Variants in TNFSF10 observed in about 807,000 individuals in gnomAD.
The protein encoded by TNFSF10 is tumor necrosis factor ligand superfamily member 10.
TNFSF10 carries 13 observed loss-of-function variants against 29.5 expected under a neutral mutation model. The observed-to-expected ratio is 0.44, with a 90% CI of 0.29 to 0.70. TNFSF10 has a LOEUF of 0.70. TNFSF10 is among the 30% of genes least tolerant of loss of function. The pLI, the probability that TNFSF10 is intolerant of heterozygous loss-of-function variation, is 0.13. For missense variants in TNFSF10, 345 were observed against 330.9 expected (o/e 1.04, Z -0.33); for synonymous variants, 111 against 112.8 (o/e 0.98, Z 0.10).
intron 4 of TNFSF10, 120 bp from the exon 5 acceptor site, chr3:172,507,039 A>G: frequency 1.2e-6 from 1 of 812,246 alleles, no homozygotes; most frequent in Non-Finnish European, 1.9e-6. Flanking sequence ...TTTCAATCTA[A>G]TATCAAACTT....
rs1162560720 is a variant in TNFSF10 at position 172,514,889 on chromosome 3, T to A, written c.242A>T (p.Lys81Met). ...ESMNSPCWQVKWQLRQLVRKM... is the reference protein window; with the variant it reads ...ESMNSPCWQVMWQLRQLVRKM... ...TCTAACGAGCTGACGGAGTTGCCAC[T>A]TGACTTGCCAGCAGGGGCTGTTCAT... The change falls in exon 2 of 5, where the codon AAG (lysine) becomes ATG (methionine). Residue 81 changes from lysine to methionine, a missense_variant. Coordinates refer to ENST00000241261, the MANE Select transcript of TNFSF10 (RefSeq NM_003810.4). 6.2e-7 allele frequency: 1 copy of A among 1,614,102 alleles called. No homozygotes were observed. Among genetic ancestry groups the A allele is most frequent in the African/African-American group, 1.3e-5 (1 of 74,942 alleles).
chr3:172,506,509 C>A lies in TNFSF10; in HGVS notation c.829G>T (p.Ala277Ser). 2.5e-6 allele frequency: 4 copies of A among 1,604,222 alleles called. No individual in the cohort carries two copies. Among genetic ancestry groups the A allele is most frequent in the Non-Finnish European group, 3.4e-6 (4 of 1,176,810 alleles). ...DMDHEASFFG[A>S]FLVG ...CAGGTCAGTTAGCCAACTAAAAAGGCCCCAAAAAAACTGGCTTCATGGTCC... is the reference window on the plus strand; with the variant it reads ...CAGGTCAGTTAGCCAACTAAAAAGGACCCAAAAAAACTGGCTTCATGGTCC... Residue 277 changes from alanine (A) to serine (S), a missense_variant, in exon 5 of 5, where the codon GCC becomes TCC. Coordinates refer to ENST00000241261, the MANE Select transcript of TNFSF10 (RefSeq NM_003810.4).
chr3:172,511,658 A>T lies in TNFSF10; in HGVS notation c.272T>A (p.Met91Lys). 2 of 1,611,554 alleles carry T rather than the reference A, an allele frequency of 1.2e-6. No individual in the cohort carries two copies. Among genetic ancestry groups the T allele is most frequent in the Non-Finnish European group, 1.7e-6 (2 of 1,178,744 alleles). ...KWQLRQLVRKMILRTSEETIS... is the reference protein window; with the variant it reads ...KWQLRQLVRKKILRTSEETIS... ...GGTTTCCTCAGAGGTTCTCAAAATCATCTGCAAATATTATTGAATAAAGCT... is the reference window on the plus strand; with the variant it reads ...GGTTTCCTCAGAGGTTCTCAAAATCTTCTGCAAATATTATTGAATAAAGCT... Residue 91 changes from methionine (M) to lysine (K), a missense_variant and splice_region_variant, in exon 3 of 5, where the codon ATG becomes AAG. Met to Lys is a moderately conservative substitution (Grantham distance 95). Transcript: ENST00000241261.
intron 2 of TNFSF10, among the ~76,000 whole-genome samples, chr3:172,512,499 A>C (rs972810204): frequency 3.9e-5 from 6 of 152,190 alleles, no homozygotes; most frequent in Admixed American, 2.6e-4. Context: ...CCTTCTCTGT[A>C]CTTCCAGCCC....
chr3:172,511,037 A>G (rs1126161), intron 3 of TNFSF10, among the ~76,000 whole-genome samples: 106,544 of 152,004 alleles, frequency 0.7, 37,675 homozygotes, highest in Middle Eastern at 0.78. Flanking sequence ...CCAGATGGAA[A>G]GCTAAAGAAG....
At chr3:172,515,428 A>C (rs1713389064) in intron 1 of TNFSF10, among the ~76,000 whole-genome samples, 1 of 152,138 alleles carries the variant, frequency 6.6e-6, no homozygotes, top group South Asian at 2.1e-4. Context: ...TCGGTAGTGG[A>C]GTCAGTTTAC....
At chr3:172,517,778 T>C in intron 1 of TNFSF10, 1 of 982,716 alleles carries the variant, frequency 1.0e-6, no homozygotes, top group Non-Finnish European at 1.2e-6. Flanking sequence ...GTAGAAAATT[T>C]GTAAAATATA....
intron 2 of TNFSF10, among the ~76,000 whole-genome samples, chr3:172,511,890 G>A (rs1654796942): frequency 1.3e-5 from 2 of 152,214 alleles, no homozygotes; most frequent in Admixed American, 1.3e-4. Context: ...CCCTGCCTGG[G>A]AAGTTCTGTT....
At chr3:172,509,362 C>G in intron 3 of TNFSF10, 41 bp from the exon 4 acceptor site, 1 of 1,536,024 alleles carries the variant, frequency 6.5e-7, no homozygotes, top group Non-Finnish European at 9.0e-7. Flanking sequence ...ACTTGCCAAA[C>G]TAGTTCTCCA....
intron 1 of TNFSF10, among the ~76,000 whole-genome samples, chr3:172,516,619 C>T (rs1713447424): frequency 6.6e-6 from 1 of 152,176 alleles, no homozygotes; most frequent in Non-Finnish European, 1.5e-5. Flanking sequence ...GTTTCTTCCT[C>T]TTTTAAATTA....
chr3:172,523,265 G>T lies in TNFSF10; in HGVS notation c.120C>A (p.Asn40Lys). ...GCACTGCACTGACCTGCTTCAGCTC[G>T]TTGGTAAAGTACACGTAAGTTACAG... ...CVAVTYVYFT[N>K]ELKQMQDKYS... The change falls in exon 1 of 5, where the codon AAC becomes AAA. Residue 40 changes from asparagine to lysine, a missense_variant. Coordinates refer to ENST00000241261, the MANE Select transcript of TNFSF10 (RefSeq NM_003810.4). 6.2e-7 allele frequency: 1 copy of T among 1,613,758 alleles called. No individual in the cohort carries two copies. Among genetic ancestry groups the T allele is most frequent in the Non-Finnish European group, 8.5e-7 (1 of 1,179,716 alleles).
intron 4 of TNFSF10, 74 bp downstream of exon 4, chr3:172,509,143 C>A: frequency 2.3e-6 from 3 of 1,281,422 alleles, no homozygotes; most frequent in Non-Finnish European, 3.3e-6. Flanking sequence ...AGATAAAATT[C>A]TTTAAAAAAT....
intron 1 of TNFSF10, chr3:172,518,117 C>T (rs1258597490): frequency 9.8e-7 from 1 of 1,020,242 alleles, no homozygotes; most frequent in Non-Finnish European, 1.2e-6. Context: ...ATATGAGTTT[C>T]CTGCAGCATA....
At chr3:172,509,957 C>T (rs1291735692) in intron 3 of TNFSF10, among the ~76,000 whole-genome samples, 4 of 118,442 alleles carry the variant, frequency 3.4e-5, no homozygotes, top group African/African-American at 1.3e-4. Context: ...CCAGCCTGGG[C>T]AACAGAGCAA....
intron 1 of TNFSF10, chr3:172,517,286 C>G (rs767233985): frequency 2.1e-6 from 2 of 973,580 alleles, no homozygotes. Flanking sequence ...AGGTTAGCAC[C>G]AATTGCTGGC....
chr3:172,506,454 A>T lies in TNFSF10; in HGVS notation c.*38T>A. ...TAGTGTATCATCCTGAAAACTGAAT[A>T]GTCACTTTGAGGTTATTGCTTTTTC... On this transcript the variant is annotated 3_prime_UTR_variant, in exon 5 of 5. Coordinates refer to ENST00000241261, the MANE Select transcript of TNFSF10 (RefSeq NM_003810.4). 1.3e-6 allele frequency: 2 copies of T among 1,544,064 alleles called. No homozygotes were observed. The highest frequency in any genetic ancestry group is 1.7e-6 in the Non-Finnish European group (2 of 1,150,018).
At position 172,517,383 on chromosome 3, in the gene TNFSF10, G is replaced by A; in HGVS notation, c.133-2385C>T. 4 of 985,354 alleles carry A rather than the reference G, an allele frequency of 4.1e-6. No homozygotes were observed. In the South Asian group the frequency reaches 1.4e-4, roughly 35 times the overall value. 61.0% of individuals were successfully genotyped at this position (985,354 alleles called of 1,614,324 possible). A position where few individuals can be genotyped will look rare whatever the true frequency, so the allele number is the denominator to read the frequency against. ...CCTGGAAAATTGAGTAAGGTCCTGG[G>A]TATAAGTGGATGGGAGGTTAACAAG... On this transcript the variant is annotated intron_variant, in intron 1 of 4. Coordinates refer to ENST00000241261, the MANE Select transcript of TNFSF10 (RefSeq NM_003810.4).
At chr3:172,518,346 A>T in intron 1 of TNFSF10, 1 of 1,274,696 alleles carries the variant, frequency 7.8e-7, no homozygotes, top group South Asian at 1.3e-5. Context: ...GGCCAGGGTC[A>T]ACCAGTCCTT....
Position 172,515,873 on chromosome 3 carries a change from T to G in TNFSF10, c.133-875A>C, listed in dbSNP as rs577298870. 4.9e-3 allele frequency among the ~76,000 whole-genome samples: 750 copies of G among 151,788 alleles called. 16 individuals are homozygous for G. In the East Asian group the frequency reaches 0.05, roughly 10 times the overall value. On this transcript the variant is annotated intron_variant, in intron 1 of 4. Transcript: ENST00000241261. The stretch of plus-strand genomic sequence containing the variant: ...GAAGGTCCAAACAAAGCCAGAAGGG[T>G]TTTGTTTGTTTGTTTGTTTGCTTTG...
Sources: gnomAD v4.1 joint callset for allele counts (sites outside exome capture counted in the v4.1 genomes callset) on GRCh38, gnomAD v4.1.1 for gene constraint, MANE v1.5 for transcripts, NCBI Gene and HGNC (gene_info 2026-07-23, HGNC 2026-07-21) for gene names.